Variants in RIMBP2 observed in about 807,000 individuals in gnomAD.
RIMBP2 encodes the protein RIMS binding protein 2.
A neutral mutation model predicts 118.6 loss-of-function variants in RIMBP2; 48 were observed. The observed-to-expected ratio is 0.40, with a 90% CI of 0.32 to 0.51. RIMBP2 has a LOEUF of 0.51. Ranked by LOEUF, RIMBP2 falls within the 20% of genes least tolerant of loss-of-function variation. The pLI is 0.41. For synonymous variants in RIMBP2, 762 were observed against 742.9 expected, an observed-to-expected ratio of 1.03 and a Z score of -0.42; for missense variants, 1,551 against 1,768.3, an observed-to-expected ratio of 0.88 and a Z score of 2.20.
At chr12:130,553,165 A>AAAG (rs1555289407) in intron 2 of RIMBP2, among the ~76,000 whole-genome samples, 1 of 150,012 alleles carries the variant, frequency 6.7e-6, no homozygotes, top group Non-Finnish European at 1.5e-5. Flanking sequence ...AAAAAAAAAA[A>AAAG]GAAAAGAAAA....
intron 1 of RIMBP2, among the ~76,000 whole-genome samples, chr12:130,664,410 C>CGCGCAT (rs1566438934): frequency 1.3e-5 from 1 of 79,754 alleles, no homozygotes. Flanking sequence ...CACGCACGCA[C>CGCGCAT]GCACACACAC....
chr12:130,502,450 C>T (rs570612603), intron 4 of RIMBP2, among the ~76,000 whole-genome samples: 4 of 152,036 alleles, frequency 2.6e-5, no homozygotes, highest in Non-Finnish European at 5.9e-5. Context: ...ATTCACTGTC[C>T]GGCCCACTTT....
chr12:130,542,077 G>A (rs1386036458), intron 2 of RIMBP2, among the ~76,000 whole-genome samples: 1 of 149,650 alleles, frequency 6.7e-6, no homozygotes, highest in Non-Finnish European at 1.5e-5. Flanking sequence ...ATCCTTATTG[G>A]GAAAATGTGG....
rs542487887 is a variant in RIMBP2 at position 130,475,126 on chromosome 12, A to G, written c.102+3786T>C. Among the ~76,000 whole-genome samples, 5 of 152,314 alleles carry G rather than the reference A, an allele frequency of 3.3e-5. No individual in the cohort carries two copies. In the South Asian group the frequency reaches 1.0e-3, roughly 32 times the overall value. On this transcript the variant is annotated intron_variant, in intron 5 of 22. Transcript: ENST00000690449. This position sits in a 1 kb window ranked among gnomAD's most constrained non-coding sequence, Gnocchi z 4.1. ...GAGACGAGGGCTGCAGCATGAGCTC[A>G]TTGTCCCTGGATTCCGGGAGGAGAG...
chr12:130,404,586 A>G (rs1044692482), intron 21 of RIMBP2, among the ~76,000 whole-genome samples: 1 of 152,204 alleles, frequency 6.6e-6, no homozygotes, highest in African/African-American at 2.4e-5. Context: ...CGGCCGTTGG[A>G]TCTATATAGT....
intron 2 of RIMBP2, among the ~76,000 whole-genome samples, chr12:130,567,585 A>G (rs1377271484): frequency 2.0e-5 from 3 of 152,104 alleles, no homozygotes; most frequent in African/African-American, 7.2e-5. Flanking sequence ...GTTGCCCCCC[A>G]CATAACTGGG....
chr12:130,441,118 C>T (rs1287400724), intron 11 of RIMBP2, among the ~76,000 whole-genome samples: 5 of 152,102 alleles, frequency 3.3e-5, no homozygotes, highest in Admixed American at 6.6e-5. Flanking sequence ...ATACAAGCCA[C>T]GTATGCATGC....
At chr12:130,575,865 TA>T (rs2058049961) in intron 2 of RIMBP2, among the ~76,000 whole-genome samples, 1 of 152,212 alleles carries the variant, frequency 6.6e-6, no homozygotes, top group Admixed American at 6.5e-5. Context: ...GTGGTGGAAA[TA>T]TTTACACTGT....
At chr12:130,495,694 G>T (rs184826383) in intron 4 of RIMBP2, among the ~76,000 whole-genome samples, 325 of 152,170 alleles carry the variant, frequency 2.1e-3, no homozygotes, top group African/African-American at 7.4e-3. Flanking sequence ...TTCCTTTGAG[G>T]GTGTATATCA....
rs1057463689 is a variant in RIMBP2, at chr12:130,442,997, C to T, written c.692-337G>A. On this transcript the variant is annotated intron_variant, in intron 10 of 22. Transcript: ENST00000690449. This position sits in a 1 kb window ranked among gnomAD's most constrained non-coding sequence, Gnocchi z 6.9. Reference sequence around the variant, plus strand: ...CAGGGACCACACGACTATTGAATGCCCAGCCCTAGAGTGACAGCTGGCCCA... The same window carrying T: ...CAGGGACCACACGACTATTGAATGCTCAGCCCTAGAGTGACAGCTGGCCCA... 6.6e-6 allele frequency among the ~76,000 whole-genome samples: 1 copy of T among 152,160 alleles called. No individual in the cohort carries two copies.
At chr12:130,397,607 T>G (rs2074159741) in intron 22 of RIMBP2, 58 bp from the exon 23 acceptor site, 2 of 398,464 alleles carry the variant, frequency 5.0e-6, no homozygotes, top group African/African-American at 4.1e-5. Flanking sequence ...CAGAATTCAC[T>G]TGGTAACATC....
chr12:130,410,474 T>C (rs2075627743), intron 19 of RIMBP2, among the ~76,000 whole-genome samples: 1 of 152,318 alleles, frequency 6.6e-6, no homozygotes, highest in East Asian at 1.9e-4. Context: ...TGTGTTTTCT[T>C]CTGGAAATAT....
intron 1 of RIMBP2, among the ~76,000 whole-genome samples, chr12:130,712,449 G>A (rs889215313): frequency 5.9e-5 from 9 of 151,920 alleles, no homozygotes; most frequent in Admixed American, 1.3e-4. Context: ...AAACACACAC[G>A]TTCACCTAGG....
intron 2 of RIMBP2, among the ~76,000 whole-genome samples, chr12:130,596,964 T>C (rs1292035108): frequency 6.6e-6 from 1 of 152,228 alleles, no homozygotes; most frequent in African/African-American, 2.4e-5. Context: ...AAAGCCTTCA[T>C]ACAAAGAAAA....
chr12:130,435,759 A>G (rs2077466135), intron 13 of RIMBP2, among the ~76,000 whole-genome samples: 1 of 152,320 alleles, frequency 6.6e-6, no homozygotes, highest in South Asian at 2.1e-4. Flanking sequence ...TTTCACAGAA[A>G]ATTTCCAGTT....
rs555304606 is a variant in RIMBP2 at position 130,546,949 on chromosome 12, AC to A, written c.-216-29033del. Reference sequence around the variant, plus strand: ...GCCCTGTGAGATGACTCCTCCACTGACCCACCACAACCCCCACCCACTCCCT... The same window carrying A: ...GCCCTGTGAGATGACTCCTCCACTGACCACCACAACCCCCACCCACTCCCT... On this transcript the variant is annotated intron_variant, in intron 2 of 22. Transcript: ENST00000690449. Among the ~76,000 whole-genome samples the A allele has an allele frequency of 3.2e-4, 48 of 152,070 alleles. No homozygotes were observed. The East Asian group carries it at 9.1e-3, about 29-fold the overall frequency.
At position 130,447,458 on chromosome 12, in the gene RIMBP2, T is replaced by C. The variant is rs1214664099; in HGVS notation, c.582-2189A>G. On this transcript the variant is annotated intron_variant, in intron 9 of 22. Transcript: ENST00000690449. The surrounding 1 kb of genome is among the most constrained non-coding windows in gnomAD (Gnocchi z 4.4). ...GGGACTCAACAGAGACAGAAGTAGG[T>C]CAGGGGTCACGCAGCGCTGGAGGCG... Among the ~76,000 whole-genome samples, 1 of 151,572 alleles carries C rather than the reference T, an allele frequency of 6.6e-6. No homozygotes were observed. Among genetic ancestry groups the C allele is most frequent in the Non-Finnish European group, 1.5e-5 (1 of 67,926 alleles).
intron 16 of RIMBP2, among the ~76,000 whole-genome samples, chr12:130,423,581 C>G (rs186768214): frequency 7.2e-6 from 1 of 139,024 alleles, no homozygotes; most frequent in South Asian, 2.2e-4. Context: ...GAAGGCTGAT[C>G]ATGGAAAATT....
At chr12:130,500,152 A>G (rs1163478120) in intron 4 of RIMBP2, among the ~76,000 whole-genome samples, 3 of 152,168 alleles carry the variant, frequency 2.0e-5, no homozygotes, top group Non-Finnish European at 2.9e-5. Flanking sequence ...AATACGGTCA[A>G]AAAGGGCTCT....
Sources: gnomAD v4.1 joint callset for allele counts (sites outside exome capture counted in the v4.1 genomes callset) on GRCh38, gnomAD v4.1.1 for gene constraint, Gnocchi (gnomAD v3.1) non-coding constraint, MANE v1.5 for transcripts, NCBI Gene and HGNC (gene_info 2026-07-23, HGNC 2026-07-21) for gene names.